OVAAL: variants seen among roughly 807,000 people sequenced by gnomAD.
OVAAL encodes ovarian adenocarcinoma amplified long non-coding RNA.
chr1:180,559,752 A>G (rs1325981560), intron 1 of OVAAL, among the ~76,000 whole-genome samples: 2 of 151,952 alleles, frequency 1.3e-5, no homozygotes, highest in African/African-American at 4.8e-5. Context: ...CTAAAAATAC[A>G]AAAATTAGCT....
exon 3 of OVAAL, chr1:180,566,178 G>C (rs1274329241): frequency 1.3e-5 from 2 of 152,190 alleles, no homozygotes. Flanking sequence ...TCACCACCAG[G>C]GTTGCAGTCA....
chr1:180,562,608 G>A (rs542720617), intron 2 of OVAAL, among the ~76,000 whole-genome samples: 131 of 152,318 alleles, frequency 8.6e-4, no homozygotes, highest in Non-Finnish European at 1.4e-3. Context: ...TGATAACCCA[G>A]AGAAGAAAGC....
At chr1:180,561,084 C>CA (rs1454249638) in intron 1 of OVAAL, among the ~76,000 whole-genome samples, 1 of 152,122 alleles carries the variant, frequency 6.6e-6, no homozygotes, top group East Asian at 1.9e-4. Context: ...CACAAAAAGG[C>CA]TATCAGGAAC....
chr1:180,564,003 G>A (rs1653254303), intron 2 of OVAAL, among the ~76,000 whole-genome samples: 1 of 152,150 alleles, frequency 6.6e-6, no homozygotes, highest in South Asian at 2.1e-4. Context: ...TCCTGTTTGT[G>A]TCTGACTAGC....
chr1:180,559,674 G>A (rs573548921), intron 1 of OVAAL, among the ~76,000 whole-genome samples: 27 of 152,196 alleles, frequency 1.8e-4, no homozygotes, highest in African/African-American at 4.3e-4. Flanking sequence ...TTGGGAGGCC[G>A]AGGTGGGTGG....
intron 1 of OVAAL, among the ~76,000 whole-genome samples, chr1:180,561,957 A>G (rs1046529016): frequency 6.6e-6 from 1 of 151,052 alleles, no homozygotes; most frequent in Non-Finnish European, 1.5e-5. Context: ...AGGGATGCTG[A>G]GGTTGCAGTG....
At chr1:180,559,433 C>T (rs1653159805) in intron 1 of OVAAL, among the ~76,000 whole-genome samples, 1 of 152,070 alleles carries the variant, frequency 6.6e-6, no homozygotes, top group African/African-American at 2.4e-5. Context: ...CATTTTTGCC[C>T]CTGCCCTAGA....
At chr1:180,559,766 C>T (rs564291280) in intron 1 of OVAAL, among the ~76,000 whole-genome samples, 124 of 151,906 alleles carry the variant, frequency 8.2e-4, no homozygotes, top group African/African-American at 2.7e-3. Flanking sequence ...ATTAGCTGGG[C>T]GTGGTGGTGT....
intron 2 of OVAAL, among the ~76,000 whole-genome samples, chr1:180,563,953 T>C (rs1184892373): frequency 6.6e-6 from 1 of 152,154 alleles, no homozygotes; most frequent in East Asian, 1.9e-4. Flanking sequence ...CACCCGATGG[T>C]CGCCTGACTT....
At chr1:180,564,990 T>C (rs1000642188) in intron 2 of OVAAL, among the ~76,000 whole-genome samples, 7 of 152,152 alleles carry the variant, frequency 4.6e-5, no homozygotes, top group African/African-American at 1.7e-4. Flanking sequence ...GTTTAATTCT[T>C]CTCCTTTAAA....
At chr1:180,559,357 G>A (rs546592390) in intron 1 of OVAAL, among the ~76,000 whole-genome samples, 5 of 152,324 alleles carry the variant, frequency 3.3e-5, no homozygotes, top group East Asian at 3.9e-4. Flanking sequence ...GGTCTCAGAT[G>A]GAGATGAGGA....
At chr1:180,561,088 C>T (rs139557934) in intron 1 of OVAAL, among the ~76,000 whole-genome samples, 1 of 152,280 alleles carries the variant, frequency 6.6e-6, no homozygotes, top group Non-Finnish European at 1.5e-5. Flanking sequence ...AAAAGGCTAT[C>T]AGGAACCAGG....
chr1:180,565,017 T>C (rs1488069631), intron 2 of OVAAL, among the ~76,000 whole-genome samples: 2 of 152,198 alleles, frequency 1.3e-5, no homozygotes, highest in Non-Finnish European at 1.5e-5. Context: ...CTTTGTAGTA[T>C]TGGACATTTT....
intron 2 of OVAAL, among the ~76,000 whole-genome samples, chr1:180,563,968 G>A (rs967722873): frequency 2.0e-5 from 3 of 152,052 alleles, no homozygotes; most frequent in Admixed American, 6.6e-5. Flanking sequence ...TGACTTTCCC[G>A]GTGGGGTGTG....
At chr1:180,562,486 C>G (rs1557912763) in intron 2 of OVAAL, 2 of 152,126 alleles carry the variant, frequency 1.3e-5, no homozygotes, top group Non-Finnish European at 1.5e-5. Flanking sequence ...CCCATGAAAG[C>G]AAAGATAACA....
chr1:180,562,529 A>C (rs1191776338), intron 2 of OVAAL, among the ~76,000 whole-genome samples: 1 of 152,182 alleles, frequency 6.6e-6, no homozygotes, highest in East Asian at 1.9e-4. Flanking sequence ...GAGCTGTACG[A>C]ATGCTGTAAC....
intron 2 of OVAAL, among the ~76,000 whole-genome samples, chr1:180,562,938 G>A (rs910020815): frequency 2.0e-5 from 3 of 152,204 alleles, no homozygotes; most frequent in Non-Finnish European, 4.4e-5. Flanking sequence ...CTGAGAACAT[G>A]TTTTTTTCCT....
intron 2 of OVAAL, among the ~76,000 whole-genome samples, chr1:180,564,808 G>T (rs1440696183): frequency 2.0e-5 from 3 of 152,010 alleles, no homozygotes; most frequent in Non-Finnish European, 4.4e-5. Flanking sequence ...GAATTGCCTG[G>T]GGAGCTTGTA....
At chr1:180,561,883 C>A (rs2102145105) in intron 1 of OVAAL, among the ~76,000 whole-genome samples, 1 of 151,980 alleles carries the variant, frequency 6.6e-6, no homozygotes, top group East Asian at 1.9e-4. Context: ...AATAGCCGGA[C>A]ATGATGGTGA....
Sources: allele counts gnomAD v4.1 joint callset (sites outside exome capture counted in the v4.1 genomes callset), GRCh38; gene constraint gnomAD v4.1.1; transcripts MANE v1.5; gene names NCBI Gene and HGNC (gene_info 2026-07-23, HGNC 2026-07-21).